Variants in MCTP2 observed in about 807,000 individuals in gnomAD.
The protein encoded by MCTP2 is multiple C2 and transmembrane domain-containing protein 2.
Under a neutral mutation model 111.6 loss-of-function variants are expected in MCTP2, and 132 were observed. The ratio of observed to expected loss-of-function variants is 1.18; its 90% confidence interval spans 1.03 to 1.37. The LOEUF (loss-of-function observed/expected upper bound fraction) is 1.37, where lower values mean the gene tolerates loss of function less well. MCTP2 is among the 40% of genes most tolerant of loss of function. The pLI is 0.00. For missense variants in MCTP2, 1,183 were observed against 1,067.9 expected (o/e 1.11, Z -1.50); for synonymous variants, 395 against 387.7 (o/e 1.02, Z -0.22).
chr15:94,473,499 G>GA (rs1465863123), intron 21 of MCTP2, among the ~76,000 whole-genome samples: 1 of 152,192 alleles, frequency 6.6e-6, no homozygotes, highest in Non-Finnish European at 1.5e-5. Context: ...TCACTTACAT[G>GA]AAGTATGTAT....
intron 1 of MCTP2, among the ~76,000 whole-genome samples, chr15:94,276,993 A>G (rs1026714518): frequency 1.3e-5 from 2 of 151,878 alleles, no homozygotes; most frequent in Non-Finnish European, 2.9e-5. Flanking sequence ...AGATGACACA[A>G]AACTGTCCTC....
chr15:94,245,530 A>C (rs1302486682), intron 1 of MCTP2, among the ~76,000 whole-genome samples: 10 of 141,810 alleles, frequency 7.1e-5, no homozygotes, highest in African/African-American at 2.5e-4. Flanking sequence ...ATATATTTAT[A>C]TACATACATG....
At chr15:94,382,159 G>C (rs1054661029) in intron 12 of MCTP2, among the ~76,000 whole-genome samples, 6 of 152,336 alleles carry the variant, frequency 3.9e-5, no homozygotes, top group Middle Eastern at 3.4e-3. Context: ...TATTGGAAGT[G>C]AATTGTGAGG....
At chr15:94,311,481 G>A (rs1567389974) in intron 2 of MCTP2, among the ~76,000 whole-genome samples, 2 of 152,096 alleles carry the variant, frequency 1.3e-5, no homozygotes, top group African/African-American at 2.4e-5. Flanking sequence ...TCTACTCAAC[G>A]AATAATACCA....
rs193234057 is a variant in MCTP2 at position 94,471,839 on chromosome 15, A to G, written c.2470+1397A>G. ...CATCAACTGGTTATCTTATTTTTCA[A>G]TTATGTTTTCGTGCGTACTACTATC... On this transcript the variant is annotated intron_variant, in intron 21 of 22. Coordinates refer to ENST00000357742, the MANE Select transcript of MCTP2 (RefSeq NM_001385001.1). Among the ~76,000 whole-genome samples, 6 of 152,092 alleles carry G rather than the reference A, an allele frequency of 3.9e-5. No individual in the cohort carries two copies. The East Asian group carries it at 9.6e-4, about 24-fold the overall frequency.
chr15:94,369,575 T>C (rs142788122), intron 11 of MCTP2, among the ~76,000 whole-genome samples: 1 of 152,246 alleles, frequency 6.6e-6, no homozygotes, highest in East Asian at 1.9e-4. Context: ...TCTAATTCAA[T>C]GAGCTAGCTA....
In MCTP2 at chr15:94,374,407, C is replaced by T. The variant is rs553953425; in HGVS notation, c.1582+4227C>T. Among the ~76,000 whole-genome samples, 4 of 152,194 alleles carry T rather than the reference C, an allele frequency of 2.6e-5. No individual in the cohort carries two copies. In the South Asian group the frequency reaches 8.3e-4, roughly 32 times the overall value. ...CATGTGTGCAGATTATTCAGGATAGCCTTATTATAGTTGACAGTATGCTGC... is the reference window on the plus strand; with the variant it reads ...CATGTGTGCAGATTATTCAGGATAGTCTTATTATAGTTGACAGTATGCTGC... On this transcript the variant is annotated intron_variant, in intron 12 of 22. Coordinates refer to ENST00000357742, the MANE Select transcript of MCTP2 (RefSeq NM_001385001.1).
intron 9 of MCTP2, among the ~76,000 whole-genome samples, chr15:94,357,790 T>C (rs941723101): frequency 6.6e-6 from 1 of 152,198 alleles, no homozygotes; most frequent in African/African-American, 2.4e-5. Context: ...TTCACATATT[T>C]AATCTCTATA....
intron 18 of MCTP2, among the ~76,000 whole-genome samples, chr15:94,441,717 C>T (rs1057084471): frequency 1.2e-4 from 18 of 152,164 alleles, no homozygotes; most frequent in South Asian, 4.1e-4. Context: ...TGCATAGTGA[C>T]GAAGTGATTT....
intron 17 of MCTP2, among the ~76,000 whole-genome samples, chr15:94,433,022 A>AT (rs1000231049): frequency 1.3e-5 from 2 of 152,088 alleles, no homozygotes; most frequent in Non-Finnish European, 2.9e-5. Flanking sequence ...GACATGATAA[A>AT]TTTTTTTGTG....
chr15:94,438,999 CTA>C (rs1415483063), intron 17 of MCTP2, among the ~76,000 whole-genome samples: 13 of 152,162 alleles, frequency 8.5e-5, no homozygotes, highest in Admixed American at 7.2e-4. Context: ...GATTATGTGA[CTA>C]TATTCTTAGA....
At chr15:94,442,351 G>A (rs1325214934) in intron 18 of MCTP2, among the ~76,000 whole-genome samples, 1 of 152,148 alleles carries the variant, frequency 6.6e-6, no homozygotes, top group African/African-American at 2.4e-5. Flanking sequence ...CTAAAGCCAG[G>A]CACCCTTAAG....
intron 19 of MCTP2, among the ~76,000 whole-genome samples, chr15:94,456,001 A>G (rs1318353933): frequency 6.6e-6 from 1 of 152,228 alleles, no homozygotes; most frequent in Non-Finnish European, 1.5e-5. Flanking sequence ...ATGCACAAAA[A>G]TCTATTTTTT....
intron 21 of MCTP2, among the ~76,000 whole-genome samples, chr15:94,472,752 A>G (rs1047267496): frequency 3.3e-5 from 5 of 152,204 alleles, no homozygotes; most frequent in African/African-American, 9.6e-5. Flanking sequence ...CACGTGATCT[A>G]TTGCCTCTTC....
At chr15:94,274,993 C>G (rs2074112733) in intron 1 of MCTP2, among the ~76,000 whole-genome samples, 1 of 152,078 alleles carries the variant, frequency 6.6e-6, no homozygotes, top group African/African-American at 2.4e-5. Context: ...TTTATTTCAG[C>G]AGTGAAAGGA....
chr15:94,376,062 C>A (rs868805412), intron 12 of MCTP2, among the ~76,000 whole-genome samples: 3 of 152,156 alleles, frequency 2.0e-5, no homozygotes, highest in African/African-American at 2.4e-5. Flanking sequence ...CTTCACTCTG[C>A]CTTCACTCCT....
chr15:94,314,486 T>G, intron 3 of MCTP2, 142 bp downstream of exon 3: 31 of 611,560 alleles, frequency 5.1e-5, no homozygotes, highest in Non-Finnish European at 4.6e-5. Context: ...AACCAGGCCT[T>G]GCAAATTTTC....
At chr15:94,298,144 G>T (rs1426332978) in intron 1 of MCTP2, 57 bp from the exon 2 acceptor site, 6 of 747,280 alleles carry the variant, frequency 8.0e-6, no homozygotes, top group Non-Finnish European at 1.3e-5. Context: ...CCACCAAGAA[G>T]GTTCATGTTT....
intron 20 of MCTP2, among the ~76,000 whole-genome samples, chr15:94,466,711 A>C (rs928243158): frequency 6.6e-6 from 1 of 152,200 alleles, no homozygotes; most frequent in Non-Finnish European, 1.5e-5. Context: ...AGAAAATATT[A>C]GAGTGAAAAT....
Sources: gnomAD v4.1 joint callset for allele counts (sites outside exome capture counted in the v4.1 genomes callset) on GRCh38, gnomAD v4.1.1 for gene constraint, MANE v1.5 for transcripts, NCBI Gene and HGNC (gene_info 2026-07-23, HGNC 2026-07-21) for gene names.